Variants in TP53BP1 observed in about 807,000 individuals in gnomAD.
The protein encoded by TP53BP1 is TP53-binding protein 1.
TP53BP1 carries 61 observed loss-of-function variants against 200.8 expected under a neutral mutation model. That is an observed-to-expected ratio of 0.30 (90% CI 0.25 to 0.38). TP53BP1 has a LOEUF of 0.38. Among genes scored for constraint, TP53BP1 ranks in the 10% least tolerant of loss-of-function variants. TP53BP1 has a pLI of 1.00. For missense variants in TP53BP1, 2,144 were observed against 2,371.9 expected, an observed-to-expected ratio of 0.90 and a Z score of 2.00; for synonymous variants, 822 against 844.3, an observed-to-expected ratio of 0.97 and a Z score of 0.46.
Position 43,461,545 on chromosome 15 carries a change from A to G in TP53BP1, c.1390-4327T>C, listed in dbSNP as rs369430994. 5.3e-5 allele frequency among the ~76,000 whole-genome samples: 8 copies of G among 152,332 alleles called. No homozygotes were observed. The East Asian group carries it at 1.5e-3, about 29-fold the overall frequency. ...GATAATAATTTTTAAATTGTGATCT[A>G]TCACATGATAGAATGTTTTGTGGTC... is the stretch of plus-strand genomic sequence containing the variant. On this transcript the variant is annotated intron_variant, in intron 11 of 27. Transcript: ENST00000382044.
chr15:43,472,842 G>T (rs1464259324), intron 10 of TP53BP1, among the ~76,000 whole-genome samples: 1 of 152,174 alleles, frequency 6.6e-6, no homozygotes, highest in Non-Finnish European at 1.5e-5. Flanking sequence ...AGCAAAGAAT[G>T]GGGGATGGTG....
At chr15:43,426,908 C>T (rs2045549498) in intron 18 of TP53BP1, among the ~76,000 whole-genome samples, 1 of 149,934 alleles carries the variant, frequency 6.7e-6, no homozygotes, top group South Asian at 2.1e-4. Context: ...ATCCCAGCGA[C>T]TTGGGAGGCC....
chr15:43,493,144 C>G lies in TP53BP1; in HGVS notation c.-101G>C. 1.7e-5 allele frequency: 27 copies of G among 1,572,960 alleles called. No individual in the cohort carries two copies. Among genetic ancestry groups the G allele is most frequent in the Middle Eastern group, 1.7e-4 (1 of 6,000 alleles). ...TCGCCGCTGTCGCCACCGCCGCCAC[C>G]GGCCGCGAACTCCCCCTTTCCCGTC... is the stretch of plus-strand genomic sequence containing the variant. On this transcript the variant is annotated 5_prime_UTR_variant, in exon 1 of 28. Transcript: ENST00000382044.
At chr15:43,504,952 G>A (rs1018189046) in intron 1 of TP53BP1, among the ~76,000 whole-genome samples, 5 of 152,128 alleles carry the variant, frequency 3.3e-5, no homozygotes, top group Admixed American at 6.5e-5. Context: ...CCTGGCAGGC[G>A]GAGGTTGCAG....
chr15:43,415,066 A>T (rs533546991), intron 23 of TP53BP1, among the ~76,000 whole-genome samples: 2 of 152,176 alleles, frequency 1.3e-5, no homozygotes, highest in South Asian at 4.1e-4. Context: ...AGAGGGGAGC[A>T]GAATTTCCAG....
At position 43,405,320 on chromosome 15, in the gene TP53BP1, G is replaced by GT; in HGVS notation, c.*2062dup. The GT allele has an allele frequency of 7.7e-7, 1 of 1,292,700 alleles. No individual in the cohort carries two copies. 80.1% of individuals were successfully genotyped at this position (1,292,700 alleles called of 1,614,324 possible). ...CACACAAATAAATATCTGCGGCTTA[G>GT]TGATAGGACTCTACCTTTTCTCCTA... On this transcript the variant is annotated 3_prime_UTR_variant, in exon 28 of 28. Transcript: ENST00000382044.
At chr15:43,448,560 G>C (rs1243409455) in intron 12 of TP53BP1, among the ~76,000 whole-genome samples, 1 of 146,600 alleles carries the variant, frequency 6.8e-6, no homozygotes, top group East Asian at 2.0e-4. Flanking sequence ...TTTTTTTTGA[G>C]ACGGAGTCTG....
intron 4 of TP53BP1, among the ~76,000 whole-genome samples, chr15:43,481,478 C>CAG (rs1243698337): frequency 6.6e-6 from 1 of 151,070 alleles, no homozygotes; most frequent in African/African-American, 2.4e-5. Flanking sequence ...CACACACACA[C>CAG]ACACACACAC....
intron 4 of TP53BP1, among the ~76,000 whole-genome samples, chr15:43,490,431 C>A (rs2079105710): frequency 6.6e-6 from 1 of 151,762 alleles, no homozygotes; most frequent in African/African-American, 2.4e-5. Flanking sequence ...ACTAGGTTGC[C>A]CAGGCTGATC....
intron 13 of TP53BP1, 184 bp downstream of exon 13, chr15:43,447,182 C>A: frequency 1.7e-6 from 1 of 605,664 alleles, no homozygotes; most frequent in Non-Finnish European, 2.8e-6. Flanking sequence ...TTCTTTCCTT[C>A]CTCTCTTTAC....
intron 22 of TP53BP1, 76 bp downstream of exon 22, chr15:43,416,149 G>T: frequency 7.5e-7 from 1 of 1,331,194 alleles, no homozygotes; most frequent in Non-Finnish European, 1.0e-6. Flanking sequence ...AAACATTACT[G>T]ACAGGTCCAG....
At chr15:43,492,995 C>A (rs751376180) in intron 1 of TP53BP1, 42 bp downstream of exon 1, 1 of 1,611,962 alleles carries the variant, frequency 6.2e-7, no homozygotes, top group Non-Finnish European at 8.5e-7. Context: ...GAAATCCAGG[C>A]CTTCAGAGCC....
chr15:43,410,801 C>T (rs894212854), intron 24 of TP53BP1, among the ~76,000 whole-genome samples: 7 of 152,240 alleles, frequency 4.6e-5, no homozygotes, highest in African/African-American at 1.7e-4. Flanking sequence ...GCTCAGGCAC[C>T]GCCGAGGCCC....
intron 11 of TP53BP1, among the ~76,000 whole-genome samples, chr15:43,466,928 C>T (rs930739894): frequency 2.0e-5 from 3 of 151,950 alleles, no homozygotes; most frequent in African/African-American, 4.8e-5. Context: ...GCATAAAGAA[C>T]GAAAAGTGGT....
At chr15:43,471,369 A>T (rs1377980734) in intron 10 of TP53BP1, among the ~76,000 whole-genome samples, 1 of 152,126 alleles carries the variant, frequency 6.6e-6, no homozygotes, top group Non-Finnish European at 1.5e-5. Context: ...ATTTTCATTA[A>T]TTTCCTATAT....
intron 11 of TP53BP1, among the ~76,000 whole-genome samples, 192 bp downstream of exon 11, chr15:43,469,666 C>G (rs1240760244): frequency 1.3e-5 from 2 of 151,952 alleles, no homozygotes; most frequent in Non-Finnish European, 2.9e-5. Flanking sequence ...AAAAAAAAAT[C>G]AAGATGTTAG....
intron 10 of TP53BP1, among the ~76,000 whole-genome samples, chr15:43,472,521 T>C (rs777460581): frequency 2.0e-5 from 3 of 152,160 alleles, no homozygotes; most frequent in Non-Finnish European, 4.4e-5. Context: ...TAAAGTAATA[T>C]AAAATCTCTA....
intron 1 of TP53BP1, among the ~76,000 whole-genome samples, chr15:43,504,913 G>A (rs149022559): frequency 3.9e-5 from 6 of 152,218 alleles, no homozygotes; most frequent in East Asian, 1.9e-4. Flanking sequence ...CCAGCTACTC[G>A]GGAAGGTGAG....
chr15:43,457,011 T>C lies in TP53BP1; in HGVS notation c.1597A>G (p.Met533Val). The C allele has an allele frequency of 6.2e-7, 1 of 1,614,230 alleles. No homozygotes were observed. The highest frequency in any genetic ancestry group is 1.1e-5 in the South Asian group (1 of 91,086). ...STSEYSQSPKMESLSSHRIDE... is the reference protein window; with the variant it reads ...STSEYSQSPKVESLSSHRIDE... The stretch of plus-strand genomic sequence containing the variant: ...ATTCTGTGAGAACTCAAGCTCTCCA[T>C]CTTTGGGGACTGACTATATTCACTT... The change falls in exon 12 of 28, where the codon ATG becomes GTG. Residue 533 changes from methionine to valine, a missense_variant. By Grantham distance (21) the Met-to-Val change is conservative. Coordinates refer to ENST00000382044, the MANE Select transcript of TP53BP1 (RefSeq NM_001141980.3).
Sources: allele counts gnomAD v4.1 joint callset (sites outside exome capture counted in the v4.1 genomes callset), GRCh38; gene constraint gnomAD v4.1.1; transcripts MANE v1.5; gene names NCBI Gene and HGNC (gene_info 2026-07-23, HGNC 2026-07-21).